SRP54: variants seen among roughly 807,000 people sequenced by gnomAD.
SRP54 encodes the protein signal recognition particle 54.
Under a neutral mutation model 64.8 loss-of-function variants are expected in SRP54, and 10 were observed. That is an observed-to-expected ratio of 0.15 (90% confidence interval 0.10 to 0.26). SRP54 has a LOEUF of 0.26. Among genes scored for constraint, SRP54 ranks in the 10% least tolerant of loss-of-function variants. The pLI is 1.00. For synonymous variants in SRP54, 193 were observed against 185.6 expected, an observed-to-expected ratio of 1.04 and a Z score of -0.32; for missense variants, 325 against 613.7, an observed-to-expected ratio of 0.53 and a Z score of 4.97.
intron 1 of SRP54, among the ~76,000 whole-genome samples, chr14:34,983,967 A>G (rs1477120634): frequency 2.6e-5 from 4 of 152,166 alleles, no homozygotes; most frequent in African/African-American, 4.8e-5. Context: ...TTCTATTCCA[A>G]TCTAGCCTCA....
rs578058768 is a variant in SRP54, at chr14:35,013,216, A to G, written c.637-130A>G. ...GTGATCCACCTGGCTCGGCCTCCCA[A>G]AGTGCTGGGATTACAGGCATGAGCC... On this transcript the variant is annotated intron_variant, in intron 8 of 15. Coordinates refer to ENST00000216774, the MANE Select transcript of SRP54 (RefSeq NM_003136.4). 16 of 831,184 alleles carry G rather than the reference A, an allele frequency of 1.9e-5. No individual in the cohort carries two copies. The African/African-American group carries it at 2.6e-4, about 13-fold the overall frequency. The allele number at this position is 831,184 out of a possible 1,614,324, so 51.5% of individuals were successfully genotyped here. A position where few individuals can be genotyped will look rare whatever the true frequency, so the allele number is the denominator to read the frequency against.
rs1257483319 is a variant in SRP54, at chr14:34,999,009, GTGT to G, written c.79-548_79-546del. ...TGTGTGTGTGTGTGTGTGTGTGTGT[GTGT>G]GGTTTTTTTTTTTTTTTTTTGAGAC... On this transcript the variant is annotated intron_variant, in intron 2 of 15. Coordinates refer to ENST00000216774, the MANE Select transcript of SRP54 (RefSeq NM_003136.4). 5.4e-5 allele frequency among the ~76,000 whole-genome samples: 3 copies of G among 56,024 alleles called. 1 individual carries two copies. Among genetic ancestry groups the G allele is most frequent in the Non-Finnish European group, 1.1e-4 (3 of 27,032 alleles). The allele number at this position is 56,024 out of a possible 152,430, so 36.8% of individuals were successfully genotyped here.
At chr14:35,014,666 A>T in intron 10 of SRP54, 78 bp from the exon 11 acceptor site, 2 of 1,055,782 alleles carry the variant, frequency 1.9e-6, no homozygotes, top group Non-Finnish European at 2.9e-6. Flanking sequence ...CAAGGTTATT[A>T]TGTATGTGAA....
chr14:34,984,493 C>A (rs573880141), intron 1 of SRP54, among the ~76,000 whole-genome samples: 8 of 152,120 alleles, frequency 5.3e-5, no homozygotes, highest in African/African-American at 1.7e-4. Context: ...AAACCTTATT[C>A]TTTTCATTTC....
At chr14:35,019,520 G>GA (rs201510450) in intron 13 of SRP54, 2,768 of 153,512 alleles carry the variant, frequency 0.018, 72 homozygotes, top group African/African-American at 0.06. Context: ...CTGCCTCTAT[G>GA]AAAAAAAATT....
chr14:35,025,115 A>T (rs1335308084), intron 14 of SRP54, among the ~76,000 whole-genome samples: 1 of 152,196 alleles, frequency 6.6e-6, no homozygotes, highest in African/African-American at 2.4e-5. Flanking sequence ...TATCGTAAAA[A>T]GATAAGGTTT....
chr14:34,993,704 T>A (rs7141293), intron 1 of SRP54, among the ~76,000 whole-genome samples: 29,132 of 150,722 alleles, frequency 0.19, 3,035 homozygotes, highest in East Asian at 0.38. Context: ...TTAATTTATT[T>A]ATTTATTGAG....
At chr14:34,987,995 C>T (rs574550437) in intron 1 of SRP54, among the ~76,000 whole-genome samples, 54 of 152,192 alleles carry the variant, frequency 3.5e-4, no homozygotes, top group African/African-American at 1.2e-3. Context: ...GGAAACCTTG[C>T]TTAAATTAAT....
Position 35,013,824 on chromosome 14 carries a change from A to G in SRP54, c.808A>G (p.Ile270Val). ...LSAVAATKSP[I>V]IFIGTGEHID... ...CAGAGTCGCTGCCACAAAAAGTCCGATTATTTTCATTGGTACAGGGGAACA... is the reference window on the plus strand; with the variant it reads ...CAGAGTCGCTGCCACAAAAAGTCCGGTTATTTTCATTGGTACAGGGGAACA... Residue 270 changes from isoleucine (I) to valine (V), a missense_variant, in exon 10 of 16, where the codon ATT becomes GTT. Physicochemically the swap from Ile to Val is conservative, Grantham distance 29. Transcript: ENST00000216774. The G allele has an allele frequency of 1.2e-6, 2 of 1,610,630 alleles. No individual in the cohort carries two copies. The highest frequency in any genetic ancestry group is 1.7e-6 in the Non-Finnish European group (2 of 1,179,214).
intron 7 of SRP54, 89 bp from the exon 8 acceptor site, chr14:35,011,420 C>A (rs1441650350): frequency 2.6e-6 from 3 of 1,139,330 alleles, no homozygotes; most frequent in South Asian, 3.0e-5. Context: ...TTGGCTTTTT[C>A]AAAATAGATT....
chr14:34,999,133 G>T (rs538160215), intron 2 of SRP54, among the ~76,000 whole-genome samples: 1 of 150,644 alleles, frequency 6.6e-6, no homozygotes, highest in East Asian at 2.0e-4. Flanking sequence ...TCCTGCCTCA[G>T]CCTCCTGAGT....
intron 1 of SRP54, among the ~76,000 whole-genome samples, chr14:34,995,188 TA>T (rs1386043683): frequency 3.8e-5 from 3 of 79,890 alleles, no homozygotes; most frequent in Admixed American, 1.5e-4. Context: ...TGTGTGTGTG[TA>T]GAGAGAGAGA....
chr14:35,024,233 T>C (rs1595016086), intron 14 of SRP54, among the ~76,000 whole-genome samples: 1 of 152,172 alleles, frequency 6.6e-6, no homozygotes, highest in African/African-American at 2.4e-5. Flanking sequence ...TTCACTATGT[T>C]GGCCAGGCTG....
At chr14:35,014,290 T>TTTTTTTTTTTGTTTTGTTTTTTTG (rs376712278) in intron 10 of SRP54, among the ~76,000 whole-genome samples, 9 of 127,350 alleles carry the variant, frequency 7.1e-5, no homozygotes, top group African/African-American at 2.3e-4. Context: ...TTTTTTTTTT[T>TTTTTTTTTTTGTTTTGTTTTTTTG]TTTTGAGACG....
Position 34,994,959 on chromosome 14 carries a change from T to A in SRP54, c.-33-1718T>A, listed in dbSNP as rs1372646113. Among the ~76,000 whole-genome samples the A allele has an allele frequency of 4.6e-3, 474 of 102,278 alleles. 6 individuals are homozygous for A. The highest frequency in any genetic ancestry group is 0.016 in the African/African-American group (458 of 28,488). 67.1% of individuals were successfully genotyped at this position (102,278 alleles called of 152,430 possible). ...TTTTTTTTTTTTTTTTTTTTTTTTT[T>A]AAGAGTTGAAGTCCTGCCTGCTATG... On this transcript the variant is annotated intron_variant, in intron 1 of 15. Coordinates refer to ENST00000216774, the MANE Select transcript of SRP54 (RefSeq NM_003136.4).
chr14:35,016,488 T>A (rs2044439875), intron 11 of SRP54, among the ~76,000 whole-genome samples: 1 of 152,166 alleles, frequency 6.6e-6, no homozygotes, highest in Admixed American at 6.6e-5. Flanking sequence ...TCCCTCTATC[T>A]CTCTTCTTAC....
intron 5 of SRP54, 100 bp from the exon 6 acceptor site, chr14:35,008,527 A>G: frequency 5.4e-6 from 4 of 736,998 alleles, no homozygotes; most frequent in Non-Finnish European, 7.8e-6. Flanking sequence ...AAGCAGTTTT[A>G]TTTTACTCCT....
In SRP54 at chr14:35,023,414, C is replaced by G. The variant is rs572012675; in HGVS notation, c.1327+334C>G. On this transcript the variant is annotated intron_variant, in intron 14 of 15. Transcript: ENST00000216774. ...CCAGAGAATCCAGTGGATCCTACTG[C>G]AAATAACAGTTGCTATAACTAAGTT... Among the ~76,000 whole-genome samples the G allele has an allele frequency of 2.6e-5, 4 of 151,964 alleles. No homozygotes were observed. In the South Asian group the frequency reaches 8.3e-4, roughly 32 times the overall value.
At chr14:34,997,046 A>G in intron 2 of SRP54, 4 of 223,016 alleles carry the variant, frequency 1.8e-5, no homozygotes, top group Non-Finnish European at 2.4e-5. Context: ...TAAAAATAAC[A>G]TATTTTATCT....
Sources: gnomAD v4.1 joint callset for allele counts (sites outside exome capture counted in the v4.1 genomes callset) on GRCh38, gnomAD v4.1.1 for gene constraint, MANE v1.5 for transcripts, NCBI Gene and HGNC (gene_info 2026-07-23, HGNC 2026-07-21) for gene names.